Variants in GH2 observed in about 807,000 individuals in gnomAD.
GH2 encodes growth hormone 2.
GH2 carries 17 observed loss-of-function variants against 24.1 expected under a neutral mutation model. The ratio of observed to expected loss-of-function variants is 0.71; its 90% CI spans 0.48 to 1.06. The LOEUF (loss-of-function observed/expected upper bound fraction) is 1.06. GH2 is among the 50% of genes least tolerant of loss of function. The pLI, the probability that GH2 is intolerant of heterozygous loss-of-function variation, is 0.00. For missense variants in GH2, 305 were observed against 273.1 expected, an observed-to-expected ratio of 1.12 and a Z score of -0.82; for synonymous variants, 126 against 118.7, an observed-to-expected ratio of 1.06 and a Z score of -0.40.
At chr17:63,881,326 C>T in intron 2 of GH2, 33 bp downstream of exon 2, 1 of 1,613,666 alleles carries the variant, frequency 6.2e-7, no homozygotes, top group Non-Finnish European at 8.5e-7. Context: ...CTTCCTGCCA[C>T]CTCTGAAGCG....
At chr17:63,881,752 C>T (rs1449150751) in intron 1 of GH2, 40 bp downstream of exon 1, 3 of 1,612,344 alleles carry the variant, frequency 1.9e-6, no homozygotes, top group Non-Finnish European at 2.5e-6. Flanking sequence ...CCTCTCCCCT[C>T]AGGACACATT....
chr17:63,880,762 C>T lies in GH2; in HGVS notation c.456+10G>A, dbSNP rs1905455491. On this transcript the variant is annotated intron_variant, in intron 4 of 4. Coordinates refer to ENST00000423893, the MANE Select transcript of GH2 (RefSeq NM_002059.5). ...GCCCCAGGATTGGGGATCCCTGGTG[C>T]CACCCTCACCCACATCAGCGTTTGG... 1 of 1,614,072 alleles carries T rather than the reference C, an allele frequency of 6.2e-7. No individual in the cohort carries two copies. The highest frequency in any genetic ancestry group is 8.5e-7 in the Non-Finnish European group (1 of 1,179,956).
rs1292334438 is a variant in GH2 at position 63,880,394 on chromosome 17, T to C, written c.581A>G (p.Lys194Arg). The C allele has an allele frequency of 6.2e-7, 1 of 1,613,702 alleles. No homozygotes were observed. The highest frequency in any genetic ancestry group is 1.3e-5 in the African/African-American group (1 of 74,884). The change falls in exon 5 of 5, where the codon AAG (lysine) becomes AGG (arginine). Residue 194 changes from lysine (K) to arginine (R), a missense_variant. Transcript: ENST00000423893. ...GAATGTCTCGACCTTGTCCATGTCC[T>C]TCCTGAAGCAGTAGAGCAGCCCGTA... is the stretch of plus-strand genomic sequence containing the variant. ...KNYGLLYCFR[K>R]DMDKVETFLR... is the part of the protein sequence containing the mutation.
intron 1 of GH2, 97 bp downstream of exon 1, chr17:63,881,695 G>A (rs1905548088): frequency 6.2e-7 from 1 of 1,610,598 alleles, no homozygotes. Flanking sequence ...ACATTCATAA[G>A]CCCCAAACCT....
At chr17:63,881,715 T>G in intron 1 of GH2, 77 bp downstream of exon 1, 12 of 1,611,706 alleles carry the variant, frequency 7.4e-6, no homozygotes, top group Non-Finnish European at 1.0e-5. Context: ...TGAGGGTTAG[T>G]GCCCCCGTCC....
intron 2 of GH2, 49 bp from the exon 3 acceptor site, chr17:63,881,197 T>C (rs559974946): frequency 7.4e-6 from 12 of 1,613,898 alleles, no homozygotes; most frequent in Admixed American, 5.0e-5. Flanking sequence ...CCAGCTCCCA[T>C]TGTTACTTTT....
intron 4 of GH2, 122 bp from the exon 5 acceptor site, chr17:63,880,640 G>C (rs201041920): frequency 6.2e-7 from 1 of 1,614,020 alleles, no homozygotes; most frequent in Non-Finnish European, 8.5e-7. Flanking sequence ...GATTCACGAG[G>C]GGAAATGAAG....
In GH2 at chr17:63,881,405, C is replaced by T. The variant is rs1905519537; in HGVS notation, c.125G>A (p.Arg42His). The T allele has an allele frequency of 1.9e-6, 3 of 1,613,878 alleles. No homozygotes were observed. Among genetic ancestry groups the T allele is most frequent in the Admixed American group, 3.3e-5 (2 of 59,988 alleles). ...LSRLFDNAML[R>H]ARRLYQLAYD... ...TGCCAGCTGGTACAGGCGACGGGCG[C>T]GGAGCATAGCGTTGTCAAAAAGCCT... Residue 42 changes from arginine to histidine, a missense_variant, in exon 2 of 5, where the codon CGC becomes CAC. Coordinates refer to ENST00000423893, the MANE Select transcript of GH2 (RefSeq NM_002059.5).
At chr17:63,880,705 G>A (rs1215944177) in intron 4 of GH2, 67 bp downstream of exon 4, 7 of 1,613,962 alleles carry the variant, frequency 4.3e-6, no homozygotes, top group Non-Finnish European at 1.7e-6. Context: ...GGGCAGCAGT[G>A]TTTCTCTCCC....
rs372001130 is a variant in GH2, at chr17:63,880,290, G to T, written c.*31C>A. On this transcript the variant is annotated 3_prime_UTR_variant, in exon 5 of 5. Coordinates refer to ENST00000423893, the MANE Select transcript of GH2 (RefSeq NM_002059.5). ...CCTTCCACGACCAGGAGAGGCACTGGGGAGGGGTCACAGGGATGCCACCCG... is the reference window on the plus strand; with the variant it reads ...CCTTCCACGACCAGGAGAGGCACTGTGGAGGGGTCACAGGGATGCCACCCG... 8.7e-6 allele frequency: 14 copies of T among 1,613,660 alleles called. No individual in the cohort carries two copies. The highest frequency in any genetic ancestry group is 1.7e-5 in the Admixed American group (1 of 59,966).
Position 63,880,822 on chromosome 17 carries a change from C to T in GH2, c.406G>A (p.Val136Ile), listed in dbSNP as rs763406700. The T allele has an allele frequency of 2.5e-6, 4 of 1,614,084 alleles. No homozygotes were observed. The highest frequency in any genetic ancestry group is 3.4e-6 in the Non-Finnish European group (4 of 1,179,950). Residue 136 changes from valine (V) to isoleucine (I), a missense_variant, in exon 4 of 5, where the codon GTC becomes ATC. Coordinates refer to ENST00000423893, the MANE Select transcript of GH2 (RefSeq NM_002059.5). ...SLVYGASDSNVYRHLKDLEEG... is the reference protein window; with the variant it reads ...SLVYGASDSNIYRHLKDLEEG... ...TCTAGGTCCTTCAGGTGGCGATAGACGTTGCTGTCCGAGGCGCCATACACC... is the reference window on the plus strand; with the variant it reads ...TCTAGGTCCTTCAGGTGGCGATAGATGTTGCTGTCCGAGGCGCCATACACC...
intron 2 of GH2, 75 bp from the exon 3 acceptor site, chr17:63,881,223 A>T: frequency 6.2e-7 from 1 of 1,612,856 alleles, no homozygotes; most frequent in Non-Finnish European, 8.5e-7. Flanking sequence ...AACCTCACTC[A>T]GCGTATGCTC....
Position 63,880,767 on chromosome 17 carries a change from C to T in GH2, c.456+5G>A, listed in dbSNP as rs1905456112. 6.2e-7 allele frequency: 1 copy of T among 1,614,102 alleles called. No homozygotes were observed. The highest frequency in any genetic ancestry group is 8.5e-7 in the Non-Finnish European group (1 of 1,179,960). ...AGGATTGGGGATCCCTGGTGCCACC[C>T]TCACCCACATCAGCGTTTGGATGCC... is the stretch of plus-strand genomic sequence containing the variant. On this transcript the variant is annotated splice_donor_5th_base_variant and intron_variant, in intron 4 of 4. Transcript: ENST00000423893.
chr17:63,880,541 G>C (rs1457201890), intron 4 of GH2, 23 bp from the exon 5 acceptor site: 1 of 1,613,834 alleles, frequency 6.2e-7, no homozygotes, highest in East Asian at 2.2e-5. Context: ...GGAAGAGAAG[G>C]AGAGGCCAAG....
rs550196878 is a variant in GH2 at position 63,880,265 on chromosome 17, C to T, written c.*56G>A. 1 of 1,613,516 alleles carries T rather than the reference C, an allele frequency of 6.2e-7. No individual in the cohort carries two copies. Among genetic ancestry groups the T allele is most frequent in the Admixed American group, 1.7e-5 (1 of 59,966 alleles). On this transcript the variant is annotated 3_prime_UTR_variant, in exon 5 of 5. Coordinates refer to ENST00000423893, the MANE Select transcript of GH2 (RefSeq NM_002059.5). ...AAGGCTGGTGGGCACTGGAGTAGCA[C>T]CTTCCACGACCAGGAGAGGCACTGG...
chr17:63,881,577 C>G, intron 1 of GH2, 58 bp from the exon 2 acceptor site: 1 of 1,599,898 alleles, frequency 6.3e-7, no homozygotes, highest in Non-Finnish European at 8.5e-7. Flanking sequence ...CAGCGCTCTC[C>G]CTGTTCCAGG....
intron 4 of GH2, 22 bp downstream of exon 4, chr17:63,880,750 G>C: frequency 6.2e-7 from 1 of 1,614,068 alleles, no homozygotes; most frequent in Non-Finnish European, 8.5e-7. Flanking sequence ...CCAGGATTGG[G>C]GATCCCTGGT....
At chr17:63,881,265 C>G in intron 2 of GH2, 94 bp downstream of exon 2, 3 of 1,610,728 alleles carry the variant, frequency 1.9e-6, no homozygotes, top group Admixed American at 1.7e-5. Flanking sequence ...AGAAAACAAC[C>G]CTGAGCTCCT....
At chr17:63,881,667 G>A in intron 1 of GH2, 125 bp downstream of exon 1, 1 of 1,608,282 alleles carries the variant, frequency 6.2e-7, no homozygotes, top group Admixed American at 1.7e-5. Context: ...CAAATACTGG[G>A]CTTAGATGGC....
Sources: gnomAD v4.1 joint callset for allele counts on GRCh38, gnomAD v4.1.1 for gene constraint, MANE v1.5 for transcripts, NCBI Gene and HGNC (gene_info 2026-07-23, HGNC 2026-07-21) for gene names.